Variants in BCAS3 observed in about 807,000 individuals in gnomAD.
The protein encoded by BCAS3 is BCAS3 microtubule associated cell migration factor, also known as BCAS4/BCAS3 fusion.
BCAS3 carries 53 observed loss-of-function variants against 116.1 expected under a neutral mutation model. The ratio of observed to expected loss-of-function variants is 0.46; its 90% confidence interval spans 0.37 to 0.57. The LOEUF (loss-of-function observed/expected upper bound fraction) is 0.57, where lower values mean the gene tolerates loss of function less well. BCAS3 is among the 20% of genes least tolerant of loss of function. The pLI is 0.00. For synonymous variants in BCAS3, 391 were observed against 408.2 expected (o/e 0.96, Z 0.51); for missense variants, 917 against 1,165.4 (o/e 0.79, Z 3.10).
chr17:60,973,607 A>ATG (rs997333607), intron 14 of BCAS3, among the ~76,000 whole-genome samples: 2 of 148,810 alleles, frequency 1.3e-5, no homozygotes, highest in South Asian at 2.1e-4. Flanking sequence ...ATATATATAT[A>ATG]TGTATGAAGG....
At chr17:61,067,631 G>A (rs1037799881) in intron 19 of BCAS3, among the ~76,000 whole-genome samples, 26 of 149,948 alleles carry the variant, frequency 1.7e-4, no homozygotes, top group South Asian at 1.3e-3. Context: ...CAGGAGAATC[G>A]CTTGAACCTG....
rs1439677755 is a variant in BCAS3 at position 61,082,432 on chromosome 17, A to G, written c.2328-2035A>G. On this transcript the variant is annotated intron_variant, in intron 21 of 23. Coordinates refer to ENST00000407086, the MANE Select transcript of BCAS3 (RefSeq NM_017679.5). This position sits in a 1 kb window ranked among gnomAD's most constrained non-coding sequence, Gnocchi z 5.1. ...AGAAAAATAGCATAAACCCCCATAT[A>G]TCTGTTGTCCAGCTTCAGCTATCAA... Among the ~76,000 whole-genome samples, 1 of 152,108 alleles carries G rather than the reference A, an allele frequency of 6.6e-6. No individual in the cohort carries two copies. The highest frequency in any genetic ancestry group is 1.5e-5 in the Non-Finnish European group (1 of 68,010).
At chr17:60,765,774 C>T (rs1273682963) in intron 6 of BCAS3, among the ~76,000 whole-genome samples, 1 of 152,128 alleles carries the variant, frequency 6.6e-6, no homozygotes, top group Non-Finnish European at 1.5e-5. Flanking sequence ...TGGATAATAT[C>T]CTGAAGAGTG....
At chr17:60,757,164 GA>G (rs1166670239) in intron 6 of BCAS3, among the ~76,000 whole-genome samples, 5 of 144,652 alleles carry the variant, frequency 3.5e-5, no homozygotes, top group Non-Finnish European at 6.1e-5. Flanking sequence ...TCTGTCTCAA[GA>G]AAAAAAAAAG....
At chr17:61,334,303 T>C (rs531769976) in intron 22 of BCAS3, among the ~76,000 whole-genome samples, 1 of 152,350 alleles carries the variant, frequency 6.6e-6, no homozygotes, top group African/African-American at 2.4e-5. Context: ...GCAAGTTATG[T>C]AACTTCTCTG....
intron 7 of BCAS3, among the ~76,000 whole-genome samples, chr17:60,825,893 C>T (rs1415207312): frequency 4.0e-5 from 6 of 149,112 alleles, no homozygotes; most frequent in East Asian, 2.0e-4. Context: ...AGTCTCGCAC[C>T]GTCACCCAGG....
rs999234523 is a variant in BCAS3 at position 61,256,488 on chromosome 17, G to A, written c.2426-111839G>A. Among the ~76,000 whole-genome samples, 7 of 151,990 alleles carry A rather than the reference G, an allele frequency of 4.6e-5. No individual in the cohort carries two copies. The highest frequency in any genetic ancestry group is 1.4e-4 in the African/African-American group (6 of 41,384). On this transcript the variant is annotated intron_variant, in intron 22 of 23. Coordinates refer to ENST00000407086, the MANE Select transcript of BCAS3 (RefSeq NM_017679.5). The surrounding 1 kb of genome is among the most constrained non-coding windows in gnomAD (Gnocchi z 5.6). ...CTGGCTAATTTTTGTATTTTTAGTA[G>A]AGACAGGGTTTTGCCATGTTTGCCA...
chr17:61,319,897 T>TA, intron 22 of BCAS3, among the ~76,000 whole-genome samples: 1 of 68,854 alleles, frequency 1.5e-5, no homozygotes, highest in African/African-American at 1.2e-4. Flanking sequence ...TTATTTTTTA[T>TA]TTTTTTTTTT....
chr17:61,158,911 T>C (rs919088173), intron 22 of BCAS3, among the ~76,000 whole-genome samples: 3 of 152,194 alleles, frequency 2.0e-5, no homozygotes, highest in African/African-American at 7.2e-5. Flanking sequence ...TAGATCCTTT[T>C]TGTTATATAA....
rs79394546 is a variant in BCAS3 at position 60,998,207 on chromosome 17, G to A, written c.1486+7972G>A. Among the ~76,000 whole-genome samples the A allele has an allele frequency of 9.1e-3, 1,383 of 152,188 alleles. 25 individuals are homozygous for A. Among genetic ancestry groups the A allele is most frequent in the African/African-American group, 0.032 (1,321 of 41,518 alleles). ...TTTTTTTATGGCTGCATAGTATTCC[G>A]TCGTACATATGTAGCACATTTAAAC... is the stretch of plus-strand genomic sequence containing the variant. On this transcript the variant is annotated intron_variant, in intron 15 of 23. Transcript: ENST00000407086.
intron 6 of BCAS3, among the ~76,000 whole-genome samples, chr17:60,756,259 C>T (rs1430659645): frequency 6.6e-6 from 1 of 152,132 alleles, no homozygotes; most frequent in Non-Finnish European, 1.5e-5. Flanking sequence ...AATCTAATGC[C>T]ACCACTTACC....
chr17:61,030,880 G>T (rs889593368), intron 16 of BCAS3, among the ~76,000 whole-genome samples: 3 of 151,452 alleles, frequency 2.0e-5, no homozygotes, highest in African/African-American at 7.3e-5. Context: ...AAAAACTAAG[G>T]GTAGTAAAGG....
chr17:60,767,852 G>A (rs1049388606), intron 6 of BCAS3, among the ~76,000 whole-genome samples: 5 of 152,122 alleles, frequency 3.3e-5, no homozygotes, highest in Non-Finnish European at 5.9e-5. Flanking sequence ...CCAGGCTGGA[G>A]TTCAGTGGCG....
At chr17:60,695,317 A>G (rs373858111) in intron 4 of BCAS3, among the ~76,000 whole-genome samples, 1 of 152,010 alleles carries the variant, frequency 6.6e-6, no homozygotes, top group South Asian at 2.1e-4. Flanking sequence ...ACGGGGTTTC[A>G]TCATGTTGGC....
At chr17:61,035,881 C>T (rs555764180) in intron 17 of BCAS3, among the ~76,000 whole-genome samples, 15 of 152,180 alleles carry the variant, frequency 9.9e-5, no homozygotes, top group East Asian at 7.7e-4. Context: ...GATGGGACAA[C>T]GAGAGATTTT....
intron 22 of BCAS3, chr17:61,157,600 T>G: frequency 1.4e-5 from 1 of 73,694 alleles, no homozygotes; most frequent in East Asian, 3.7e-4. Context: ...CTCTCTCTCT[T>G]CCCCCCCACC....
At chr17:60,828,226 A>T (rs1204029208) in intron 7 of BCAS3, among the ~76,000 whole-genome samples, 1 of 152,230 alleles carries the variant, frequency 6.6e-6, no homozygotes, top group Non-Finnish European at 1.5e-5. Flanking sequence ...CCATACAGGC[A>T]TGCTTACTCT....
chr17:60,999,335 C>T (rs879553368), intron 15 of BCAS3, among the ~76,000 whole-genome samples: 3 of 151,802 alleles, frequency 2.0e-5, no homozygotes, highest in African/African-American at 4.8e-5. Context: ...GTCAGAAGTT[C>T]GAGACCAGCC....
rs1473790201 is a variant in BCAS3, at chr17:61,027,382, ATAGTT to A, written c.1638-7280_1638-7276del. 1.5e-5 allele frequency: 7 copies of A among 453,750 alleles called. No homozygotes were observed. The East Asian group carries it at 4.7e-4, about 30-fold the overall frequency. 28.1% of individuals were successfully genotyped at this position (453,750 alleles called of 1,614,324 possible). ...AAAGAGACAAAAGTTCTGTTTTTGA[ATAGTT>A]TAGGTATTTAAGGAGCTACATAATG... On this transcript the variant is annotated intron_variant, in intron 16 of 23. Transcript: ENST00000407086.
Sources: allele counts gnomAD v4.1 joint callset (sites outside exome capture counted in the v4.1 genomes callset), GRCh38; gene constraint gnomAD v4.1.1; non-coding constraint Gnocchi (gnomAD v3.1); transcripts MANE v1.5; gene names NCBI Gene and HGNC (gene_info 2026-07-23, HGNC 2026-07-21).